The following ZFAND4 variants were observed in gnomAD, a reference collection of about 807,000 sequenced individuals.
The protein encoded by ZFAND4 is AN1-type zinc finger protein 4.
Under a neutral mutation model 64.4 loss-of-function variants are expected in ZFAND4, and 43 were observed. The ratio of observed to expected loss-of-function variants is 0.67; its 90% CI spans 0.52 to 0.86. ZFAND4 has a LOEUF of 0.86. Ranked by LOEUF, ZFAND4 falls within the 40% of genes least tolerant of loss-of-function variation. The pLI is 0.00. For synonymous variants in ZFAND4, 296 were observed against 305.7 expected, an observed-to-expected ratio of 0.97 and a Z score of 0.33; for missense variants, 929 against 859.8, an observed-to-expected ratio of 1.08 and a Z score of -1.01.
intron 6 of ZFAND4, among the ~76,000 whole-genome samples, chr10:45,631,320 A>C (rs1460634266): frequency 6.7e-5 from 6 of 89,788 alleles, no homozygotes; most frequent in Non-Finnish European, 1.1e-4. Flanking sequence ...CCGCCCCCCA[A>C]AAAAAAAAAA....
chr10:45,625,789 G>T (rs776435712), intron 7 of ZFAND4, among the ~76,000 whole-genome samples, 162 bp downstream of exon 7: 1 of 151,906 alleles, frequency 6.6e-6, no homozygotes, highest in South Asian at 2.1e-4. Flanking sequence ...TTCAAAATTC[G>T]ACTATCAAGA....
intron 1 of ZFAND4, among the ~76,000 whole-genome samples, chr10:45,664,337 C>T (rs868414500): frequency 7.3e-4 from 110 of 150,832 alleles, no homozygotes; most frequent in African/African-American, 2.4e-3. Flanking sequence ...GGCACAATCT[C>T]GGCTCACTGC....
At chr10:45,617,311 C>T (rs1456518295) in intron 9 of ZFAND4, among the ~76,000 whole-genome samples, 1 of 151,766 alleles carries the variant, frequency 6.6e-6, no homozygotes, top group African/African-American at 2.4e-5. Context: ...TGTTTTCATT[C>T]GAACCGAATA....
intron 6 of ZFAND4, among the ~76,000 whole-genome samples, chr10:45,638,812 A>G (rs980240795): frequency 1.9e-4 from 29 of 152,248 alleles, no homozygotes; most frequent in African/African-American, 6.8e-4. Flanking sequence ...ACATGGATAA[A>G]TCAAACAAAT....
chr10:45,664,693 A>C (rs190607028), intron 1 of ZFAND4, among the ~76,000 whole-genome samples: 4 of 152,104 alleles, frequency 2.6e-5, no homozygotes, highest in Admixed American at 2.0e-4. Flanking sequence ...TGGGAGGCCG[A>C]GATGGCAGAT....
intron 1 of ZFAND4, among the ~76,000 whole-genome samples, chr10:45,667,449 CTTTT>C (rs1251227636): frequency 2.2e-5 from 3 of 134,732 alleles, no homozygotes; most frequent in Non-Finnish European, 4.6e-5. Context: ...TCTATATGCT[CTTTT>C]CTTTCTTTTT....
intron 5 of ZFAND4, chr10:45,640,213 T>G: frequency 8.0e-7 from 1 of 1,244,690 alleles, no homozygotes; most frequent in Non-Finnish European, 1.0e-6. Flanking sequence ...ATTCAGTATA[T>G]CATAAATGAA....
intron 3 of ZFAND4, 91 bp from the exon 4 acceptor site, chr10:45,652,124 G>A: frequency 6.8e-6 from 8 of 1,184,652 alleles, no homozygotes; most frequent in Non-Finnish European, 1.0e-5. Flanking sequence ...ATCAGGCAGA[G>A]TGGCCACTCT....
At chr10:45,644,926 C>T (rs553624250) in intron 5 of ZFAND4, among the ~76,000 whole-genome samples, 25 of 148,122 alleles carry the variant, frequency 1.7e-4, no homozygotes, top group African/African-American at 5.4e-4. Flanking sequence ...ATGTGTGAAA[C>T]AGAAAAAAAC....
chr10:45,641,511 T>C (rs1231565312), intron 5 of ZFAND4, among the ~76,000 whole-genome samples: 1 of 152,218 alleles, frequency 6.6e-6, no homozygotes, highest in Non-Finnish European at 1.5e-5. Flanking sequence ...CTAAATTTTA[T>C]ATGGTGCAAC....
chr10:45,654,024 G>A (rs2047932553), intron 2 of ZFAND4, among the ~76,000 whole-genome samples: 1 of 152,206 alleles, frequency 6.6e-6, no homozygotes, highest in Admixed American at 6.5e-5. Flanking sequence ...GCAGCAACAT[G>A]AATGCAGCTG....
At chr10:45,643,423 C>G (rs185029167) in intron 5 of ZFAND4, among the ~76,000 whole-genome samples, 1 of 151,420 alleles carries the variant, frequency 6.6e-6, no homozygotes, top group African/African-American at 2.4e-5. Flanking sequence ...GTAATCCCAG[C>G]ACTTTGGGAG....
chr10:45,660,887 T>C (rs1419868972), intron 2 of ZFAND4, among the ~76,000 whole-genome samples: 1 of 152,100 alleles, frequency 6.6e-6, no homozygotes, highest in Non-Finnish European at 1.5e-5. Flanking sequence ...GATGGCTTTT[T>C]TGCAAGAAAC....
intron 4 of ZFAND4, chr10:45,651,655 T>C (rs1477827217): frequency 4.0e-6 from 2 of 495,340 alleles, no homozygotes; most frequent in Non-Finnish European, 8.2e-6. Context: ...ACAAGACTCG[T>C]ATGAAACTAA....
chr10:45,638,297 T>G (rs891833448), intron 6 of ZFAND4, among the ~76,000 whole-genome samples: 9 of 144,178 alleles, frequency 6.2e-5, no homozygotes, highest in African/African-American at 2.3e-4. Context: ...ACTTGGCTAA[T>G]ACGGTGAAAC....
intron 6 of ZFAND4, among the ~76,000 whole-genome samples, chr10:45,635,220 A>C (rs569141948): frequency 1.1e-4 from 15 of 138,822 alleles, no homozygotes; most frequent in African/African-American, 2.3e-4. Flanking sequence ...AAAACAAAAA[A>C]AAAACAAACA....
intron 5 of ZFAND4, 142 bp from the exon 6 acceptor site, chr10:45,640,105 A>G: frequency 7.7e-7 from 1 of 1,297,016 alleles, no homozygotes; most frequent in East Asian, 2.6e-5. Flanking sequence ...TCAGGAAAAT[A>G]TATTTCAAAG....
intron 8 of ZFAND4, among the ~76,000 whole-genome samples, chr10:45,623,971 G>A (rs1341049967): frequency 1.3e-5 from 2 of 152,138 alleles, no homozygotes; most frequent in Non-Finnish European, 2.9e-5. Flanking sequence ...CACATCTTTG[G>A]TAACGAGTTT....
intron 7 of ZFAND4, among the ~76,000 whole-genome samples, 169 bp from the exon 8 acceptor site, chr10:45,624,806 C>T (rs2045681045): frequency 6.6e-6 from 1 of 152,198 alleles, no homozygotes; most frequent in Non-Finnish European, 1.5e-5. Context: ...GATTCCACAT[C>T]TAGCAATATC....
Sources: gnomAD v4.1 joint callset for allele counts (sites outside exome capture counted in the v4.1 genomes callset) on GRCh38, gnomAD v4.1.1 for gene constraint, MANE v1.5 for transcripts, NCBI Gene and HGNC (gene_info 2026-07-23, HGNC 2026-07-21) for gene names.